Variants in TAOK3 observed in about 807,000 individuals in gnomAD.
TAOK3 encodes TAO kinase 3.
TAOK3 carries 40 observed loss-of-function variants against 120.4 expected under a neutral mutation model. The observed-to-expected ratio is 0.33, with a 90% CI of 0.26 to 0.43. TAOK3 has a LOEUF of 0.43. Ranked by LOEUF, TAOK3 falls within the 20% of genes least tolerant of loss-of-function variation. The pLI, the probability that TAOK3 is intolerant of heterozygous loss-of-function variation, is 1.00. For synonymous variants in TAOK3, 355 were observed against 387.5 expected (o/e 0.92, Z 0.99); for missense variants, 821 against 1,112.1 (o/e 0.74, Z 3.72).
At position 118,209,563 on chromosome 12, in the gene TAOK3, T is replaced by G. The variant is rs1291040366; in HGVS notation, c.819+3351A>C. Among the ~76,000 whole-genome samples, 3 of 152,148 alleles carry G rather than the reference T, an allele frequency of 2.0e-5. No individual in the cohort carries two copies. In the East Asian group the frequency reaches 5.8e-4, roughly 29 times the overall value. On this transcript the variant is annotated intron_variant, in intron 11 of 20. Transcript: ENST00000392533. ...ACAGGTGTGAACCACCATGCCTGGC[T>G]AATACTTATATTTTTAGTAGAAATG...
chr12:118,241,687 T>C (rs2040258196), intron 5 of TAOK3, among the ~76,000 whole-genome samples: 1 of 152,250 alleles, frequency 6.6e-6, no homozygotes, highest in Admixed American at 6.5e-5. Context: ...TATGGTTAAA[T>C]TATTCTTGTG....
intron 1 of TAOK3, among the ~76,000 whole-genome samples, chr12:118,333,761 G>A (rs2044246819): frequency 6.6e-6 from 1 of 151,460 alleles, no homozygotes; most frequent in Non-Finnish European, 1.5e-5. Context: ...TAAGGACAAA[G>A]GTAATTTTTT....
intron 1 of TAOK3, among the ~76,000 whole-genome samples, chr12:118,320,889 A>G (rs1210689348): frequency 6.6e-6 from 1 of 152,218 alleles, no homozygotes; most frequent in Non-Finnish European, 1.5e-5. Flanking sequence ...CCAAATGCCC[A>G]TCAAAAAGGA....
At chr12:118,219,967 C>T (rs987548574) in intron 9 of TAOK3, among the ~76,000 whole-genome samples, 1 of 149,292 alleles carries the variant, frequency 6.7e-6, no homozygotes, top group Non-Finnish European at 1.5e-5. Context: ...TCCAACCCTC[C>T]CCCCTTCCTT....
intron 1 of TAOK3, among the ~76,000 whole-genome samples, chr12:118,291,384 G>C (rs9669004): frequency 0.12 from 18,528 of 150,786 alleles, 1,214 homozygotes; most frequent in Middle Eastern, 0.16. Flanking sequence ...TGGTCTTGAA[G>C]TCCTGACCTT....
At chr12:118,172,280 T>TTA (rs1411442904) in intron 17 of TAOK3, among the ~76,000 whole-genome samples, 177 bp downstream of exon 17, 3 of 152,212 alleles carry the variant, frequency 2.0e-5, no homozygotes, top group Non-Finnish European at 2.9e-5. Context: ...GGGCTTCCTC[T>TTA]TATCAATAGT....
intron 11 of TAOK3, among the ~76,000 whole-genome samples, chr12:118,207,858 T>TCTCACACACA (rs147799225): frequency 4.2e-5 from 6 of 144,448 alleles, no homozygotes; most frequent in Admixed American, 1.4e-4. Flanking sequence ...AGACTCTGTC[T>TCTCACACACA]CACACACACA....
chr12:118,270,669 C>CTTTTT (rs761296706), intron 1 of TAOK3, among the ~76,000 whole-genome samples: 2 of 125,970 alleles, frequency 1.6e-5, no homozygotes, highest in Non-Finnish European at 3.3e-5. Flanking sequence ...CTAAATGTCA[C>CTTTTT]TTTTTTTTTT....
chr12:118,204,924 TG>T lies in TAOK3; in HGVS notation c.820-3462del, dbSNP rs1436581455. On this transcript the variant is annotated intron_variant, in intron 11 of 20. Transcript: ENST00000392533. The stretch of plus-strand genomic sequence containing the variant: ...GGCTCACAACTGTAATCCCAGCACT[TG>T]GGGAGGCCGAGGCAGGGGGATCACA... Among the ~76,000 whole-genome samples, 1,324 of 152,110 alleles carry T rather than the reference TG, an allele frequency of 8.7e-3. 11 individuals carry two copies. The highest frequency in any genetic ancestry group is 0.029 in the African/African-American group (1,220 of 41,514).
chr12:118,240,925 T>G (rs2040223736), intron 5 of TAOK3, among the ~76,000 whole-genome samples: 2 of 151,240 alleles, frequency 1.3e-5, no homozygotes, highest in South Asian at 4.1e-4. Context: ...TTAGAATATG[T>G]GATGTCTAGA....
intron 1 of TAOK3, among the ~76,000 whole-genome samples, chr12:118,316,168 G>C (rs1250499138): frequency 6.6e-6 from 1 of 152,154 alleles, no homozygotes; most frequent in Non-Finnish European, 1.5e-5. Context: ...TTTATGTGCA[G>C]TGTCTGGTTT....
chr12:118,359,075 T>G (rs1226079379), intron 1 of TAOK3: 1 of 152,166 alleles, frequency 6.6e-6, no homozygotes, highest in Non-Finnish European at 1.5e-5. Context: ...AAACTGAACT[T>G]AAGTTATAAG....
intron 16 of TAOK3, among the ~76,000 whole-genome samples, chr12:118,174,240 G>A (rs1423246070): frequency 6.6e-6 from 1 of 152,056 alleles, no homozygotes; most frequent in East Asian, 1.9e-4. Flanking sequence ...TCATTCCAAG[G>A]ACAATATCTG....
intron 1 of TAOK3, among the ~76,000 whole-genome samples, chr12:118,348,499 G>A (rs189382965): frequency 2.4e-3 from 362 of 150,718 alleles, no homozygotes; most frequent in Non-Finnish European, 4.3e-3. Flanking sequence ...CACCCAGGCT[G>A]GAGTGCAGTG....
At chr12:118,368,948 C>T (rs370586634) in intron 1 of TAOK3, among the ~76,000 whole-genome samples, 7 of 145,354 alleles carry the variant, frequency 4.8e-5, no homozygotes, top group African/African-American at 1.8e-4. Flanking sequence ...CACTTGAGCT[C>T]AGGAGATTGA....
chr12:118,279,346 T>C (rs1344017555), intron 1 of TAOK3, among the ~76,000 whole-genome samples: 1 of 152,164 alleles, frequency 6.6e-6, no homozygotes, highest in Non-Finnish European at 1.5e-5. Flanking sequence ...ATGCATAGTT[T>C]GCAAACATTT....
intron 1 of TAOK3, among the ~76,000 whole-genome samples, chr12:118,282,947 C>G (rs2042147082): frequency 6.6e-6 from 1 of 152,188 alleles, no homozygotes. Flanking sequence ...AGTGTTCAAG[C>G]AATAGGCAAC....
chr12:118,270,292 T>G (rs2041642789), intron 1 of TAOK3, among the ~76,000 whole-genome samples: 1 of 152,202 alleles, frequency 6.6e-6, no homozygotes, highest in Non-Finnish European at 1.5e-5. Context: ...TCATATGCTC[T>G]CTCCTTTTCT....
chr12:118,158,304 T>C (rs2034979884), intron 19 of TAOK3, among the ~76,000 whole-genome samples: 1 of 152,196 alleles, frequency 6.6e-6, no homozygotes, highest in Non-Finnish European at 1.5e-5. Flanking sequence ...TCTCATCCAT[T>C]CCTACCAGCC....
Sources: gnomAD v4.1 joint callset for allele counts (sites outside exome capture counted in the v4.1 genomes callset) on GRCh38, gnomAD v4.1.1 for gene constraint, MANE v1.5 for transcripts, NCBI Gene and HGNC (gene_info 2026-07-23, HGNC 2026-07-21) for gene names.